Variants in CYRIB observed in about 807,000 individuals in gnomAD.
CYRIB encodes the protein CYFIP related Rac1 interactor B.
CYRIB carries 8 observed loss-of-function variants against 44.2 expected under a neutral mutation model. That is an observed-to-expected ratio of 0.18 (90% CI 0.11 to 0.33). The LOEUF (loss-of-function observed/expected upper bound fraction) is 0.33. Ranked by LOEUF, CYRIB falls within the 10% of genes least tolerant of loss-of-function variation. The pLI, the probability that CYRIB is intolerant of heterozygous loss-of-function variation, is 1.00. For synonymous variants in CYRIB, 131 were observed against 127.2 expected (o/e 1.03, Z -0.20); for missense variants, 185 against 382.8 (o/e 0.48, Z 4.31).
chr8:129,850,335 G>C (rs566572115), intron 9 of CYRIB: 314 of 157,986 alleles, frequency 2.0e-3, no homozygotes, highest in Non-Finnish European at 3.2e-3. Context: ...TAAATGTTTA[G>C]AGAGGAGAGA....
At chr8:130,003,805 T>A (rs1159207322) in intron 1 of CYRIB, among the ~76,000 whole-genome samples, 2 of 152,164 alleles carry the variant, frequency 1.3e-5, no homozygotes, top group African/African-American at 4.8e-5. Flanking sequence ...TCATACCTCG[T>A]TTATTCCTCA....
intron 4 of CYRIB, among the ~76,000 whole-genome samples, chr8:129,864,096 G>C (rs2051880694): frequency 6.6e-6 from 1 of 152,142 alleles, no homozygotes; most frequent in African/African-American, 2.4e-5. Flanking sequence ...TGAATTAATG[G>C]GCTATATACT....
intron 1 of CYRIB, among the ~76,000 whole-genome samples, chr8:129,995,687 A>G (rs985142168): frequency 1.3e-5 from 2 of 152,214 alleles, no homozygotes; most frequent in Non-Finnish European, 2.9e-5. Flanking sequence ...TGCATTCCAG[A>G]TGTTTTTTAG....
intron 1 of CYRIB, among the ~76,000 whole-genome samples, chr8:129,990,112 A>AG (rs1461868267): frequency 1.3e-5 from 2 of 152,096 alleles, no homozygotes; most frequent in Non-Finnish European, 2.9e-5. Context: ...CCATCTATGA[A>AG]GGCACAGTTT....
At chr8:129,939,770 C>G (rs1055861678) in exon 1 of CYRIB, 1 of 152,188 alleles carries the variant, frequency 6.6e-6, no homozygotes, top group African/African-American at 2.4e-5. Flanking sequence ...GGCAGAGCCG[C>G]GACAAGCCAG....
chr8:129,944,432 T>C (rs1348079394), upstream of CYRIB, among the ~76,000 whole-genome samples: 1 of 152,190 alleles, frequency 6.6e-6, no homozygotes, highest in Non-Finnish European at 1.5e-5. Flanking sequence ...CACCACGTGA[T>C]ATCAATACTT....
intron 2 of CYRIB, among the ~76,000 whole-genome samples, chr8:129,953,594 G>A (rs576612965): frequency 6.6e-6 from 1 of 152,166 alleles, no homozygotes; most frequent in Non-Finnish European, 1.5e-5. Flanking sequence ...GGACGGTAGC[G>A]GCCACACTAT....
At chr8:129,981,407 G>A (rs966732739) in intron 1 of CYRIB, among the ~76,000 whole-genome samples, 3 of 152,270 alleles carry the variant, frequency 2.0e-5, no homozygotes, top group Admixed American at 6.5e-5. Context: ...AACCTCAGCC[G>A]CCCGAAGCGC....
chr8:129,955,185 G>A (rs1445262692), intron 2 of CYRIB, among the ~76,000 whole-genome samples: 4 of 151,228 alleles, frequency 2.6e-5, no homozygotes, highest in African/African-American at 7.3e-5. Context: ...CCCAGGAGGC[G>A]GAGGTTGCAG....
intron 2 of CYRIB, among the ~76,000 whole-genome samples, chr8:129,902,741 TA>T (rs1418087104): frequency 1.3e-5 from 2 of 151,982 alleles, no homozygotes; most frequent in Non-Finnish European, 2.9e-5. Context: ...AATCTGCCTG[TA>T]AAAAAAATTA....
intron 1 of CYRIB, among the ~76,000 whole-genome samples, chr8:129,998,002 T>C (rs1468027799): frequency 6.6e-6 from 1 of 151,016 alleles, no homozygotes; most frequent in Non-Finnish European, 1.5e-5. Flanking sequence ...ACGCCTGTAG[T>C]CCCAGCTACT....
chr8:130,003,626 C>T (rs1424482852), intron 1 of CYRIB, among the ~76,000 whole-genome samples: 1 of 152,234 alleles, frequency 6.6e-6, no homozygotes, highest in South Asian at 2.1e-4. Flanking sequence ...GAATCAAATG[C>T]TCCCTCCTCA....
intron 3 of CYRIB, among the ~76,000 whole-genome samples, chr8:129,876,850 A>T (rs994182560): frequency 1.3e-5 from 2 of 152,242 alleles, no homozygotes; most frequent in Non-Finnish European, 1.5e-5. Flanking sequence ...TGACATGAAT[A>T]TTAAAGTGCA....
At chr8:129,864,464 T>A (rs2132528354) in intron 4 of CYRIB, 1 of 164,674 alleles carries the variant, frequency 6.1e-6, no homozygotes, top group Middle Eastern at 3.2e-3. Context: ...GTGGCAGCCA[T>A]CAAATAAGCC....
At chr8:129,975,823 T>C (rs2095890955) in intron 1 of CYRIB, among the ~76,000 whole-genome samples, 1 of 152,042 alleles carries the variant, frequency 6.6e-6, no homozygotes, top group Admixed American at 6.6e-5. Context: ...TTGTCCAGAG[T>C]TTAAAAATAC....
At chr8:129,989,879 G>A (rs576413125) in intron 1 of CYRIB, among the ~76,000 whole-genome samples, 32 of 146,714 alleles carry the variant, frequency 2.2e-4, no homozygotes, top group African/African-American at 8.1e-4. Context: ...CCACCTATGA[G>A]TGAGAACATG....
intron 1 of CYRIB, among the ~76,000 whole-genome samples, chr8:129,997,164 C>T (rs960055390): frequency 7.0e-6 from 1 of 142,194 alleles, no homozygotes. Flanking sequence ...AGAGGGAATA[C>T]CAAGTGATCT....
intron 1 of CYRIB, among the ~76,000 whole-genome samples, chr8:129,995,297 G>A (rs1046874735): frequency 6.6e-6 from 1 of 152,184 alleles, no homozygotes; most frequent in African/African-American, 2.4e-5. Context: ...CAGCCCCAGA[G>A]CCAAGTGTGA....
At chr8:129,905,974 T>C (rs1410667160) in intron 1 of CYRIB, among the ~76,000 whole-genome samples, 1 of 152,150 alleles carries the variant, frequency 6.6e-6, no homozygotes, top group African/African-American at 2.4e-5. Context: ...GGAAGAACAT[T>C]CCATGCTCAT....
Sources: gnomAD v4.1 joint callset for allele counts (sites outside exome capture counted in the v4.1 genomes callset) on GRCh38, gnomAD v4.1.1 for gene constraint, MANE v1.5 for transcripts, NCBI Gene and HGNC (gene_info 2026-07-23, HGNC 2026-07-21) for gene names.